The following KIR3DL1 variants were observed in gnomAD, a reference collection of about 807,000 sequenced individuals.
The protein encoded by KIR3DL1 is killer cell immunoglobulin like receptor, three Ig domains and long cytoplasmic tail 1.
A neutral mutation model predicts 40.3 loss-of-function variants in KIR3DL1; 50 were observed. The observed-to-expected ratio is 1.24, with a 90% CI of 0.99 to 1.57. The LOEUF (loss-of-function observed/expected upper bound fraction) is 1.57, where lower values mean the gene tolerates loss of function less well. Ranked by LOEUF, KIR3DL1 falls within the 40% of genes most tolerant of loss-of-function variation. KIR3DL1 has a pLI of 0.00. For synonymous variants in KIR3DL1, 257 were observed against 207.2 expected (o/e 1.24, Z -2.07); for missense variants, 661 against 559.9 (o/e 1.18, Z -1.82).
intron 2 of KIR3DL1, 62 bp from the exon 3 acceptor site, chr19:54,818,253 C>G (rs2061448371): frequency 1.9e-5 from 29 of 1,543,444 alleles, no homozygotes; most frequent in Admixed American, 1.1e-4. Flanking sequence ...ATCTTCTGGG[C>G]ACTGGGAGTG....
rs768983513 is a variant in KIR3DL1, at chr19:54,825,084, T to A, written c.1000+6T>A. Reference sequence around the variant, plus strand: ...AGAACCAAGCTCCAAATCTGGTGAGTAAAGGACCCCTCTTATCTCTGCTTT... The same window carrying A: ...AGAACCAAGCTCCAAATCTGGTGAGAAAAGGACCCCTCTTATCTCTGCTTT... On this transcript the variant is annotated splice_donor_region_variant and intron_variant, in intron 6 of 8. Transcript: ENST00000391728. The A allele has an allele frequency of 6.5e-5, 98 of 1,506,532 alleles. 4 individuals carry two copies. Among genetic ancestry groups the A allele is most frequent in the Non-Finnish European group, 8.7e-5 (94 of 1,086,576 alleles). The allele number at this position is 1,506,532 out of a possible 1,614,324, so 93.3% of individuals were successfully genotyped here.
chr19:54,830,472 A>C (rs80027164), exon 9 of KIR3DL1: 1 of 669,336 alleles, frequency 1.5e-6, no homozygotes, highest in African/African-American at 1.9e-5. Flanking sequence ...GCCTGCTGGA[A>C]AGAAAACACA....
chr19:54,816,697 TAG>T (rs2061348655), intron 1 of KIR3DL1, among the ~76,000 whole-genome samples, 163 bp downstream of exon 1: 6 of 136,988 alleles, frequency 4.4e-5, no homozygotes, highest in African/African-American at 1.7e-4. Flanking sequence ...GGAGTGGAGA[TAG>T]GGGCCTGGGG....
intron 2 of KIR3DL1, 72 bp from the exon 3 acceptor site, chr19:54,818,243 A>G: frequency 5.9e-6 from 9 of 1,518,772 alleles, no homozygotes; most frequent in Non-Finnish European, 8.1e-6. Context: ...AATGGGGAGA[A>G]TCTTCTGGGC....
intron 4 of KIR3DL1, among the ~76,000 whole-genome samples, chr19:54,820,985 C>T (rs2061602628): frequency 6.8e-6 from 1 of 147,370 alleles, no homozygotes; most frequent in Admixed American, 6.9e-5. Context: ...TAGATGATGA[C>T]TGATAGATGA....
At chr19:54,830,369 C>T in exon 9 of KIR3DL1, 1 of 1,342,732 alleles carries the variant, frequency 7.4e-7, no homozygotes, top group Admixed American at 1.8e-5. Flanking sequence ...CAGCTGGAAT[C>T]TGAAGGCGTG....
intron 5 of KIR3DL1, among the ~76,000 whole-genome samples, chr19:54,823,851 T>C (rs1444360443): frequency 1.3e-5 from 2 of 151,756 alleles, no homozygotes; most frequent in African/African-American, 4.9e-5. Context: ...TCTCTGATGA[T>C]GAGTGATGCC....
chr19:54,826,888 T>C (rs2061924611), intron 6 of KIR3DL1, among the ~76,000 whole-genome samples: 2 of 151,710 alleles, frequency 1.3e-5, no homozygotes, highest in Non-Finnish European at 1.5e-5. Flanking sequence ...GCACACTGGG[T>C]ACACAGGAAA....
rs1341855325 is a variant in KIR3DL1, at chr19:54,829,465, A to T, written c.1105A>T (p.Asn369Tyr). The T allele has an allele frequency of 1.3e-5, 19 of 1,476,574 alleles. 3 individuals carry two copies. The highest frequency in any genetic ancestry group is 1.7e-5 in the Non-Finnish European group (19 of 1,088,990). 91.5% of individuals were successfully genotyped at this position (1,476,574 alleles called of 1,614,324 possible). Residue 369 changes from asparagine to tyrosine, a missense_variant and splice_region_variant, in exon 7 of 9, where the codon AAT becomes TAT. Physicochemically the swap from Asn to Tyr is moderately radical, Grantham distance 143. This residue lies in a region of KIR3DL1 where 107 missense variants were observed against 129.4 expected (regional missense o/e 0.83). Transcript: ENST00000391728. ...TCATCTCTGGTGCTCCAACAAAAAAAGTAAGTCTCACGGGGCACAGGCCAG... is the reference window on the plus strand; with the variant it reads ...TCATCTCTGGTGCTCCAACAAAAAATGTAAGTCTCACGGGGCACAGGCCAG...
At chr19:54,825,686 T>A (rs1235987654) in intron 6 of KIR3DL1, among the ~76,000 whole-genome samples, 1 of 150,548 alleles carries the variant, frequency 6.6e-6, no homozygotes, top group Non-Finnish European at 1.5e-5. Flanking sequence ...TATCTTACAG[T>A]GCTGTAGCTC....
chr19:54,824,401 G>C (rs1443436110), intron 5 of KIR3DL1, among the ~76,000 whole-genome samples: 1 of 151,542 alleles, frequency 6.6e-6, no homozygotes, highest in Admixed American at 6.6e-5. Flanking sequence ...AATGGGCTGG[G>C]TATGGTGGCT....
chr19:54,821,843 C>T lies in KIR3DL1; in HGVS notation c.934C>T (p.Leu312Phe), dbSNP rs200243286. The T allele has an allele frequency of 1.2e-4, 195 of 1,601,754 alleles. 4 individuals are homozygous for T. In the East Asian group the frequency reaches 3.7e-3, roughly 30 times the overall value. The stretch of plus-strand genomic sequence containing the variant: ...GTGGTCAGACCCGAGTGACCCACTG[C>T]TTGTTTCTGTCACAGGTGAGAAAAG... Residue 312 changes from leucine to phenylalanine, a missense_variant, in exon 5 of 9, where the codon CTT becomes TTT. By Grantham distance (22) the Leu-to-Phe change is conservative. This residue lies in a region of KIR3DL1 where 548 missense variants were observed against 413.3 expected (regional missense o/e 1.33). Transcript: ENST00000391728.
intron 5 of KIR3DL1, among the ~76,000 whole-genome samples, chr19:54,822,871 C>T (rs1302747705): frequency 7.1e-6 from 1 of 141,014 alleles, no homozygotes; most frequent in African/African-American, 2.6e-5. Flanking sequence ...AGTTCTCTAT[C>T]CATTCACCCA....
At chr19:54,827,643 A>G (rs28522319) in intron 6 of KIR3DL1, among the ~76,000 whole-genome samples, 6,300 of 150,542 alleles carry the variant, frequency 0.042, 363 homozygotes, top group East Asian at 0.091. Context: ...ATGCATAAAT[A>G]TAATAAAACA....
intron 1 of KIR3DL1, among the ~76,000 whole-genome samples, chr19:54,816,792 G>T (rs606225): frequency 0.53 from 47,273 of 89,886 alleles, 12,786 homozygotes; most frequent in East Asian, 0.75. Flanking sequence ...GGGGTGGAGA[G>T]ATGGGCCTGG....
At chr19:54,821,923 C>A (rs1243902777) in intron 5 of KIR3DL1, 65 bp downstream of exon 5, 5 of 1,526,232 alleles carry the variant, frequency 3.3e-6, no homozygotes, top group Admixed American at 3.5e-5. Context: ...GAGCTTCCTG[C>A]TGATGATGGA....
chr19:54,819,765 A>T (rs1243645001), exon 4 of KIR3DL1: 16 of 1,610,562 alleles, frequency 9.9e-6, no homozygotes, highest in Non-Finnish European at 9.3e-6. Context: ...TGGTGAAATC[A>T]GGAGAGAGAG....
chr19:54,821,756 G>A lies in KIR3DL1; in HGVS notation c.847G>A (p.Gly283Ser), dbSNP rs1263318738. The A allele has an allele frequency of 5.6e-6, 9 of 1,608,030 alleles. 1 individual carries two copies. The African/African-American group carries it at 8.1e-5, about 14-fold the overall frequency. ...AACATTCCAGGCAGATTTCCCTCTG[G>A]GCCCTGCCACCCACGGAGGGACCTA... The change falls in exon 5 of 9, where the codon GGC (glycine) becomes AGC (serine). Residue 283 changes from glycine to serine, a missense_variant. Physicochemically the swap from Gly to Ser is moderately conservative, Grantham distance 56. Around this residue, in one of 3 missense-constraint regions of KIR3DL1, gnomAD observed 548 missense variants for 413.3 expected, o/e 1.33. Transcript: ENST00000391728.
At chr19:54,818,702 A>G (rs2061483106) in intron 3 of KIR3DL1, 103 bp downstream of exon 3, 2 of 1,459,352 alleles carry the variant, frequency 1.4e-6, no homozygotes, top group South Asian at 1.3e-5. Context: ...CCCTGACTGT[A>G]TTTGGGGTCA....
Sources: allele counts gnomAD v4.1 joint callset (sites outside exome capture counted in the v4.1 genomes callset), GRCh38; gene constraint gnomAD v4.1.1; regional missense constraint gnomAD v4.1.1; transcripts MANE v1.5; gene names NCBI Gene and HGNC (gene_info 2026-07-23, HGNC 2026-07-21).